The following VKORC1L1 variants were observed in gnomAD, a reference collection of about 807,000 sequenced individuals.
VKORC1L1 encodes the protein vitamin K epoxide reductase complex subunit 1L1.
In VKORC1L1, 2 loss-of-function variants were observed where a neutral mutation model predicts 18.9. The observed-to-expected ratio is 0.11, with a 90% CI of 0.04 to 0.33. The LOEUF is 0.33. Among genes scored for constraint, VKORC1L1 ranks in the 10% least tolerant of loss-of-function variants. VKORC1L1 has a pLI of 1.00. For synonymous variants in VKORC1L1, 96 were observed against 100.0 expected (o/e 0.96, Z 0.24); for missense variants, 123 against 224.1 (o/e 0.55, Z 2.88).
intron 1 of VKORC1L1, among the ~76,000 whole-genome samples, chr7:65,921,820 C>T (rs1026179728): frequency 1.3e-5 from 2 of 151,746 alleles, no homozygotes; most frequent in Non-Finnish European, 2.9e-5. Context: ...TGCACTCCAG[C>T]CTGGGCGACA....
chr7:65,923,816 G>A (rs1257618133), intron 1 of VKORC1L1, among the ~76,000 whole-genome samples: 2 of 152,188 alleles, frequency 1.3e-5, no homozygotes, highest in Non-Finnish European at 2.9e-5. Context: ...GATTTCAGAG[G>A]ACAGAGCTGA....
intron 1 of VKORC1L1, among the ~76,000 whole-genome samples, chr7:65,933,110 C>T (rs906794517): frequency 6.9e-6 from 1 of 145,840 alleles, no homozygotes; most frequent in African/African-American, 2.5e-5. Flanking sequence ...AGTGTGTCGG[C>T]TGTTGTTGGG....
chr7:65,954,244 C>T lies in VKORC1L1; in HGVS notation c.475C>T (p.Arg159Ter), dbSNP rs1429716780. 2 of 1,614,138 alleles carry T rather than the reference C, an allele frequency of 1.2e-6. No homozygotes were observed. Among genetic ancestry groups the T allele is most frequent in the Admixed American group, 1.7e-5 (1 of 60,010 alleles). Residue 159 changes from arginine to a stop codon, truncating the protein, a stop_gained, in exon 3 of 3, where the codon CGA (arginine) becomes TGA (stop). Transcript: ENST00000360768. LOFTEE classifies it high-confidence loss of function. ...NFLLLIINYK[R>*]LVYLNEAWKR... is the part of the protein sequence containing the mutation. ...CCTTCTTCTCATTATCAACTACAAA[C>T]GACTAGTTTACTTGAACGAGGCCTG...
At chr7:65,900,414 A>G (rs2116390277) in intron 1 of VKORC1L1, among the ~76,000 whole-genome samples, 1 of 151,748 alleles carries the variant, frequency 6.6e-6, no homozygotes, top group African/African-American at 2.4e-5. Context: ...AAAAGAAAAT[A>G]TAGAAAAATA....
At chr7:65,884,568 CA>C (rs1788981532) in intron 1 of VKORC1L1, among the ~76,000 whole-genome samples, 1 of 152,056 alleles carries the variant, frequency 6.6e-6, no homozygotes, top group African/African-American at 2.4e-5. Flanking sequence ...ACTGGGGAGG[CA>C]GAAGTTGCAG....
intron 1 of VKORC1L1, among the ~76,000 whole-genome samples, chr7:65,895,478 AAAATATATATATATATATAT>A (rs1789186072): frequency 5.7e-5 from 2 of 35,046 alleles, no homozygotes; most frequent in African/African-American, 1.7e-4. Context: ...AAAAAAAAAA[AAAATATATATATATATATAT>A]ATATATATAT....
At chr7:65,887,616 G>A (rs1404684673) in intron 1 of VKORC1L1, among the ~76,000 whole-genome samples, 1 of 152,032 alleles carries the variant, frequency 6.6e-6, no homozygotes, top group African/African-American at 2.4e-5. Context: ...AACAGCAAGT[G>A]TACAAGCAGT....
chr7:65,886,342 G>C (rs1218641458), intron 1 of VKORC1L1, among the ~76,000 whole-genome samples: 1 of 152,082 alleles, frequency 6.6e-6, no homozygotes. Context: ...TATGAAGGAT[G>C]TTTCCAGTTT....
At chr7:65,868,252 C>T (rs182895202), upstream of VKORC1L1, among the ~76,000 whole-genome samples, 349 of 152,076 alleles carry the variant, frequency 2.3e-3, 3 homozygotes, top group Admixed American at 5.0e-3. Flanking sequence ...GTCAGGAGTT[C>T]GAGACCAGCC....
chr7:65,908,266 T>G (rs1313793099), intron 1 of VKORC1L1, among the ~76,000 whole-genome samples: 2 of 152,044 alleles, frequency 1.3e-5, no homozygotes. Context: ...ATAGAAAAAT[T>G]AGCCGAGCAT....
intron 2 of VKORC1L1, among the ~76,000 whole-genome samples, chr7:65,952,935 A>G (rs1470757890): frequency 1.3e-5 from 2 of 151,896 alleles, no homozygotes; most frequent in East Asian, 1.9e-4. Flanking sequence ...GCAAGCGTGC[A>G]ATACCATGCC....
intron 1 of VKORC1L1, among the ~76,000 whole-genome samples, chr7:65,938,994 CT>C (rs1789991514): frequency 6.6e-6 from 1 of 152,208 alleles, no homozygotes; most frequent in South Asian, 2.1e-4. Context: ...CCTCAGAGAG[CT>C]GTCTGAAGAG....
chr7:65,877,866 C>A (rs1245660300), intron 1 of VKORC1L1, among the ~76,000 whole-genome samples: 1 of 152,068 alleles, frequency 6.6e-6, no homozygotes, highest in Non-Finnish European at 1.5e-5. Context: ...TACTGAGATC[C>A]TGGCATACTC....
Position 65,895,483 on chromosome 7 carries a change from ATAT to A in VKORC1L1, c.194+21919_194+21921del, listed in dbSNP as rs1562986664. ...AAAAAAAAAAAAAAAAAAAAAAAAT[ATAT>A]ATATATATATATATATATATATATA... On this transcript the variant is annotated intron_variant, in intron 1 of 2. Transcript: ENST00000360768. Among the ~76,000 whole-genome samples the A allele has an allele frequency of 2.9e-3, 80 of 27,362 alleles. 3 individuals carry two copies. The highest frequency in any genetic ancestry group is 3.5e-3 in the Non-Finnish European group (60 of 17,038). The allele number at this position is 27,362 out of a possible 152,430, so 18.0% of individuals were successfully genotyped here.
Position 65,954,472 on chromosome 7 carries a change from G to GTGT in VKORC1L1, c.*173_*175dup, listed in dbSNP as rs1790262898. On this transcript the variant is annotated 3_prime_UTR_variant, in exon 3 of 3. Coordinates refer to ENST00000360768, the MANE Select transcript of VKORC1L1 (RefSeq NM_173517.6). ...TTAGAAGGGGCCCTCGCTATTTTCT[G>GTGT]TGTCAGTCTTCATTTTAAATATGGA... 2 of 1,140,038 alleles carry GTGT rather than the reference G, an allele frequency of 1.8e-6. No individual in the cohort carries two copies. Among genetic ancestry groups the GTGT allele is most frequent in the East Asian group, 5.4e-5 (2 of 36,720 alleles). The allele number at this position is 1,140,038 out of a possible 1,614,324, so 70.6% of individuals were successfully genotyped here.
intron 1 of VKORC1L1, among the ~76,000 whole-genome samples, chr7:65,937,964 T>C (rs1789973911): frequency 6.6e-6 from 1 of 152,082 alleles, no homozygotes; most frequent in Non-Finnish European, 1.5e-5. Flanking sequence ...TCCCAGCACA[T>C]TGGGAGGCTG....
intron 1 of VKORC1L1, among the ~76,000 whole-genome samples, chr7:65,899,564 G>A (rs550710437): frequency 1.2e-4 from 19 of 152,278 alleles, no homozygotes; most frequent in Admixed American, 1.2e-3. Flanking sequence ...GAAGCTTATG[G>A]GAGGACTGAG....
chr7:65,936,940 C>T (rs1218089642), intron 1 of VKORC1L1, among the ~76,000 whole-genome samples: 1 of 152,172 alleles, frequency 6.6e-6, no homozygotes, highest in Non-Finnish European at 1.5e-5. Context: ...CCCCTTCTCT[C>T]ATTTCTTCCA....
intron 1 of VKORC1L1, among the ~76,000 whole-genome samples, chr7:65,935,686 A>G (rs1789931344): frequency 6.6e-6 from 1 of 152,010 alleles, no homozygotes; most frequent in Non-Finnish European, 1.5e-5. Context: ...TTTTCTCTGG[A>G]TGCTTTCAAG....
Sources: gnomAD v4.1 joint callset for allele counts (sites outside exome capture counted in the v4.1 genomes callset) on GRCh38, gnomAD v4.1.1 for gene constraint, MANE v1.5 for transcripts, NCBI Gene and HGNC (gene_info 2026-07-23, HGNC 2026-07-21) for gene names.